GRM7: variants seen among roughly 807,000 people sequenced by gnomAD.
GRM7 encodes the protein metabotropic glutamate receptor 7.
GRM7 carries 35 observed loss-of-function variants against 84.5 expected under a neutral mutation model. The observed-to-expected ratio is 0.41, with a 90% CI of 0.32 to 0.55. The LOEUF is 0.55. Ranked by LOEUF, GRM7 falls within the 20% of genes least tolerant of loss-of-function variation. The pLI is 0.19. For missense variants in GRM7, 1,003 were observed against 1,194.6 expected (o/e 0.84, Z 2.36); for synonymous variants, 487 against 455.1 (o/e 1.07, Z -0.89).
chr3:7,475,225 G>A (rs1698873697), intron 7 of GRM7, among the ~76,000 whole-genome samples: 1 of 152,172 alleles, frequency 6.6e-6, no homozygotes, highest in African/African-American at 2.4e-5. Flanking sequence ...TGGTGATACT[G>A]TAAGGGAGCC....
At chr3:7,465,726 T>C (rs1698435940) in intron 7 of GRM7, among the ~76,000 whole-genome samples, 1 of 152,052 alleles carries the variant, frequency 6.6e-6, no homozygotes, top group Non-Finnish European at 1.5e-5. Context: ...AGTTACATCA[T>C]CTCAAGCAAA....
At chr3:7,556,455 C>CA (rs1425237421) in intron 7 of GRM7, among the ~76,000 whole-genome samples, 1 of 151,996 alleles carries the variant, frequency 6.6e-6, no homozygotes. Flanking sequence ...TTGCAGTGCC[C>CA]AAAAAATTGC....
intron 8 of GRM7, among the ~76,000 whole-genome samples, chr3:7,623,868 G>C (rs919364574): frequency 2.0e-5 from 3 of 152,172 alleles, no homozygotes; most frequent in African/African-American, 7.2e-5. Context: ...ACAGAGAAAA[G>C]AAGGGGAAAC....
At chr3:6,989,292 AGG>A (rs1694545642) in intron 1 of GRM7, among the ~76,000 whole-genome samples, 1 of 152,222 alleles carries the variant, frequency 6.6e-6, no homozygotes, top group African/African-American at 2.4e-5. Flanking sequence ...TAATGCTATT[AGG>A]AAAACACAGA....
intron 1 of GRM7, among the ~76,000 whole-genome samples, chr3:7,024,337 A>T (rs1695894299): frequency 6.6e-6 from 1 of 152,270 alleles, no homozygotes; most frequent in South Asian, 2.1e-4. Context: ...AAAGGAAATC[A>T]GACCAAACCC....
At chr3:7,292,991 A>G (rs1056440583) in intron 2 of GRM7, among the ~76,000 whole-genome samples, 1 of 147,342 alleles carries the variant, frequency 6.8e-6, no homozygotes, top group African/African-American at 2.5e-5. Context: ...ATGAGATTGC[A>G]CCATCGCACT....
intron 1 of GRM7, among the ~76,000 whole-genome samples, chr3:6,929,609 A>G (rs534329446): frequency 6.6e-5 from 10 of 152,258 alleles, no homozygotes; most frequent in Non-Finnish European, 1.3e-4. Flanking sequence ...CATATTGTCT[A>G]CAATTGTAAG....
intron 2 of GRM7, among the ~76,000 whole-genome samples, chr3:7,185,079 G>A (rs1695469343): frequency 6.6e-6 from 1 of 152,116 alleles, no homozygotes; most frequent in South Asian, 2.1e-4. Flanking sequence ...AAGTCAAAAT[G>A]GCTTGCTCCA....
intron 7 of GRM7, among the ~76,000 whole-genome samples, chr3:7,528,045 AAG>A (rs1700876157): frequency 6.6e-6 from 1 of 151,806 alleles, no homozygotes; most frequent in African/African-American, 2.4e-5. Context: ...TTCACAGAAT[AAG>A]AGAGAAATCC....
intron 2 of GRM7, among the ~76,000 whole-genome samples, chr3:7,174,356 G>C (rs1695077428): frequency 6.6e-6 from 1 of 152,176 alleles, no homozygotes; most frequent in South Asian, 2.1e-4. Context: ...TTAAAGATAA[G>C]AGTGACATCA....
chr3:6,939,510 G>A (rs1419438804), intron 1 of GRM7, among the ~76,000 whole-genome samples: 1 of 151,874 alleles, frequency 6.6e-6, no homozygotes, highest in Non-Finnish European at 1.5e-5. Context: ...TAAATAGAAA[G>A]CATATATATT....
intron 1 of GRM7, among the ~76,000 whole-genome samples, chr3:6,922,117 T>A (rs769883008): frequency 5.3e-5 from 8 of 152,186 alleles, no homozygotes; most frequent in Non-Finnish European, 1.0e-4. Flanking sequence ...GCTTGATTCC[T>A]TTTTTTATAG....
chr3:7,197,976 G>A (rs1337275526), intron 2 of GRM7, among the ~76,000 whole-genome samples: 2 of 152,034 alleles, frequency 1.3e-5, no homozygotes, highest in African/African-American at 4.8e-5. Context: ...TGGTGGGAGA[G>A]TAATTTAAGA....
chr3:7,527,714 T>C (rs1300533650), intron 7 of GRM7, among the ~76,000 whole-genome samples: 1 of 152,054 alleles, frequency 6.6e-6, no homozygotes, highest in Non-Finnish European at 1.5e-5. Flanking sequence ...TGATGCCTAG[T>C]TTTTTAGAGC....
chr3:7,560,554 A>T (rs1693970929), intron 7 of GRM7, among the ~76,000 whole-genome samples: 1 of 152,094 alleles, frequency 6.6e-6, no homozygotes, highest in Admixed American at 6.6e-5. Flanking sequence ...CTTGATAAAA[A>T]TTCAGAGTCT....
chr3:7,399,604 A>T (rs538793520), intron 4 of GRM7, among the ~76,000 whole-genome samples: 17 of 152,252 alleles, frequency 1.1e-4, no homozygotes, highest in African/African-American at 3.9e-4. Context: ...AGTGTCGGAG[A>T]TGGGGCCTAA....
intron 2 of GRM7, among the ~76,000 whole-genome samples, chr3:7,259,019 C>T (rs1214161649): frequency 6.6e-6 from 1 of 152,234 alleles, no homozygotes; most frequent in Non-Finnish European, 1.5e-5. Flanking sequence ...AATTAATGCA[C>T]TGGCATTGGC....
chr3:7,709,994 AGGTCATG>A (rs1701525554), intron 9 of GRM7, among the ~76,000 whole-genome samples: 1 of 152,086 alleles, frequency 6.6e-6, no homozygotes, highest in Non-Finnish European at 1.5e-5. Context: ...GAATTCGGAC[AGGTCATG>A]GGTGGGACTT....
rs1695373501 is a variant in GRM7, at chr3:6,877,895, C to G, written c.519+15988C>G. Among the ~76,000 whole-genome samples the G allele has an allele frequency of 2.0e-5, 3 of 151,058 alleles. No homozygotes were observed. In the South Asian group the frequency reaches 6.3e-4, roughly 32 times the overall value. ...AAATTACAAATGAAATTGTTAGTAG[C>G]TCTGTATACACATAAGCAGGAAAGT... is the stretch of plus-strand genomic sequence containing the variant. On this transcript the variant is annotated intron_variant, in intron 1 of 9. Coordinates refer to ENST00000357716, the MANE Select transcript of GRM7 (RefSeq NM_000844.4).
Sources: gnomAD v4.1 joint callset for allele counts (sites outside exome capture counted in the v4.1 genomes callset) on GRCh38, gnomAD v4.1.1 for gene constraint, MANE v1.5 for transcripts, NCBI Gene and HGNC (gene_info 2026-07-23, HGNC 2026-07-21) for gene names.